PPP1R13B: variants seen among roughly 807,000 people sequenced by gnomAD.
PPP1R13B encodes the protein apoptosis-stimulating of p53 protein 1.
A neutral mutation model predicts 119.8 loss-of-function variants in PPP1R13B; 44 were observed. The ratio of observed to expected loss-of-function variants is 0.37; its 90% CI spans 0.29 to 0.47. The LOEUF (loss-of-function observed/expected upper bound fraction) is 0.47, where lower values mean the gene tolerates loss of function less well. Among genes scored for constraint, PPP1R13B ranks in the 20% least tolerant of loss-of-function variants. The probability of loss-of-function intolerance (pLI) is 0.99; values close to 1 mark genes in which losing one functional copy is unlikely to be tolerated. For missense variants in PPP1R13B, 1,227 were observed against 1,413.5 expected, an observed-to-expected ratio of 0.87 and a Z score of 2.12; for synonymous variants, 542 against 561.5, an observed-to-expected ratio of 0.97 and a Z score of 0.49.
chr14:103,734,889 G>A lies in PPP1R13B; in HGVS notation c.*265C>T. ...GGACTTCTTAATGGCAAGAGGGGTG[G>A]GTGTTTTGAAAGTGGGTATTTATTT... On this transcript the variant is annotated 3_prime_UTR_variant, in exon 17 of 17. Coordinates refer to ENST00000202556, the MANE Select transcript of PPP1R13B (RefSeq NM_015316.3). 2 of 583,368 alleles carry A rather than the reference G, an allele frequency of 3.4e-6. No homozygotes were observed. Among genetic ancestry groups the A allele is most frequent in the South Asian group, 3.2e-5 (2 of 62,044 alleles). The allele number at this position is 583,368 out of a possible 1,614,324, so 36.1% of individuals were successfully genotyped here. A position where few individuals can be genotyped will look rare whatever the true frequency, so the allele number is the denominator to read the frequency against.
chr14:103,741,516 AC>A (rs1466143732), intron 11 of PPP1R13B, among the ~76,000 whole-genome samples: 1 of 151,764 alleles, frequency 6.6e-6, no homozygotes, highest in East Asian at 1.9e-4. Context: ...TCGACATCTC[AC>A]CCTTCCCGGA....
rs1056991868 is a variant in PPP1R13B at position 103,733,263 on chromosome 14, A to G, written c.*1891T>C. 1.3e-5 allele frequency: 7 copies of G among 531,076 alleles called. No individual in the cohort carries two copies. The highest frequency in any genetic ancestry group is 7.7e-5 in the African/African-American group (4 of 52,182). The allele number at this position is 531,076 out of a possible 1,614,324, so 32.9% of individuals were successfully genotyped here. ...TTGTCAATACTTAATTGGGGGTGGG[A>G]GAGACTGAGCTACACTACTGCTAAA... On this transcript the variant is annotated 3_prime_UTR_variant, in exon 17 of 17. Coordinates refer to ENST00000202556, the MANE Select transcript of PPP1R13B (RefSeq NM_015316.3).
At chr14:103,764,827 T>G (rs1427667651) in intron 4 of PPP1R13B, among the ~76,000 whole-genome samples, 3 of 152,158 alleles carry the variant, frequency 2.0e-5, no homozygotes, top group Non-Finnish European at 4.4e-5. Context: ...TGTTTTTTTT[T>G]GTTGTTGTTT....
chr14:103,828,827 T>G (rs2086607255), intron 1 of PPP1R13B, among the ~76,000 whole-genome samples: 1 of 152,250 alleles, frequency 6.6e-6, no homozygotes, highest in Non-Finnish European at 1.5e-5. Flanking sequence ...TGCTTTCTTC[T>G]GTGCCAAAAA....
At chr14:103,843,818 C>T (rs796638039) in intron 1 of PPP1R13B, among the ~76,000 whole-genome samples, 1 of 151,910 alleles carries the variant, frequency 6.6e-6, no homozygotes, top group African/African-American at 2.4e-5. Flanking sequence ...CTGGGCGTGG[C>T]GGCGCACGCC....
At chr14:103,757,598 T>C in intron 5 of PPP1R13B, 52 bp downstream of exon 5, 2 of 1,538,832 alleles carry the variant, frequency 1.3e-6, no homozygotes, top group Non-Finnish European at 9.0e-7. Context: ...AAAATGATGG[T>C]TAAAGAAGGT....
At chr14:103,745,959 C>G (rs1443494665) in intron 9 of PPP1R13B, among the ~76,000 whole-genome samples, 1 of 152,160 alleles carries the variant, frequency 6.6e-6, no homozygotes, top group Non-Finnish European at 1.5e-5. Flanking sequence ...GTGCACGCCA[C>G]CACGCCCGGC....
intron 1 of PPP1R13B, among the ~76,000 whole-genome samples, chr14:103,830,379 A>C (rs980428509): frequency 3.3e-5 from 5 of 152,156 alleles, no homozygotes; most frequent in Admixed American, 6.6e-5. Flanking sequence ...TACAGGAGTG[A>C]GCCACCTTGC....
At chr14:103,768,911 A>G (rs573613592) in intron 4 of PPP1R13B, among the ~76,000 whole-genome samples, 1 of 152,294 alleles carries the variant, frequency 6.6e-6, no homozygotes, top group Non-Finnish European at 1.5e-5. Flanking sequence ...ACATGTACAT[A>G]TATTTCTGTG....
chr14:103,827,323 G>A (rs1415692479), intron 1 of PPP1R13B, among the ~76,000 whole-genome samples: 1 of 152,026 alleles, frequency 6.6e-6, no homozygotes, highest in Admixed American at 6.6e-5. Flanking sequence ...GCGACAGAGC[G>A]AGACTCCAAA....
At chr14:103,824,651 C>T (rs199516135) in intron 1 of PPP1R13B, among the ~76,000 whole-genome samples, 2 of 150,828 alleles carry the variant, frequency 1.3e-5, no homozygotes, top group Non-Finnish European at 2.9e-5. Context: ...GCTGAGATCA[C>T]GCCACTGCAC....
chr14:103,822,545 G>A (rs765468321), intron 1 of PPP1R13B, among the ~76,000 whole-genome samples: 26 of 152,196 alleles, frequency 1.7e-4, no homozygotes, highest in Non-Finnish European at 3.1e-4. Flanking sequence ...TTTCACCGGT[G>A]GCTCACGCCT....
chr14:103,793,201 G>C (rs977092121), intron 2 of PPP1R13B, among the ~76,000 whole-genome samples: 1 of 150,466 alleles, frequency 6.6e-6, no homozygotes, highest in African/African-American at 2.5e-5. Context: ...AGAGAAGTGA[G>C]GAAAGGAAAG....
chr14:103,802,972 A>G (rs1230582775), intron 1 of PPP1R13B, among the ~76,000 whole-genome samples: 2 of 152,148 alleles, frequency 1.3e-5, no homozygotes, highest in East Asian at 3.8e-4. Flanking sequence ...CATTATAATC[A>G]TGGCAGACTT....
intron 4 of PPP1R13B, among the ~76,000 whole-genome samples, chr14:103,776,203 A>AGGAAG (rs2085189783): frequency 7.2e-6 from 1 of 139,124 alleles, no homozygotes; most frequent in South Asian, 2.4e-4. Context: ...GAAGGAAGGA[A>AGGAAG]GGAAGGAAGG....
intron 5 of PPP1R13B, 36 bp downstream of exon 5, chr14:103,757,614 T>C (rs780495826): frequency 3.1e-6 from 5 of 1,589,784 alleles, no homozygotes; most frequent in South Asian, 2.2e-5. Flanking sequence ...AAGGTACTTT[T>C]TGAACAATGT....
At chr14:103,848,265 TGCCCACCTGC>T (rs1444606237), upstream of PPP1R13B, 2 of 985,280 alleles carry the variant, frequency 2.0e-6, no homozygotes, top group Non-Finnish European at 2.4e-6. Context: ...GTGCCACCTG[TGCCCACCTGC>T]GCCAGCATCC....
At chr14:103,814,587 T>G (rs892791926) in intron 1 of PPP1R13B, among the ~76,000 whole-genome samples, 1 of 151,930 alleles carries the variant, frequency 6.6e-6, no homozygotes, top group African/African-American at 2.4e-5. Context: ...AAGGATCACT[T>G]GAGGGTAGGA....
intron 1 of PPP1R13B, among the ~76,000 whole-genome samples, chr14:103,814,272 C>T (rs1222993431): frequency 1.3e-5 from 2 of 152,116 alleles, no homozygotes; most frequent in African/African-American, 4.8e-5. Flanking sequence ...TGCCATGAAC[C>T]TGGGAGGCCG....
Sources: gnomAD v4.1 joint callset for allele counts (sites outside exome capture counted in the v4.1 genomes callset) on GRCh38, gnomAD v4.1.1 for gene constraint, MANE v1.5 for transcripts, NCBI Gene and HGNC (gene_info 2026-07-23, HGNC 2026-07-21) for gene names.